ITM2B: variants seen among roughly 807,000 people sequenced by gnomAD.
The protein encoded by ITM2B is ABri/ADan amyloid peptide.
Under a neutral mutation model 27.8 loss-of-function variants are expected in ITM2B, and 11 were observed. The observed-to-expected ratio is 0.40, with a 90% CI of 0.25 to 0.66. The LOEUF is 0.66. Among genes scored for constraint, ITM2B ranks in the 30% least tolerant of loss-of-function variants. The pLI is 0.43. For missense variants in ITM2B, 296 were observed against 328.9 expected, an observed-to-expected ratio of 0.90 and a Z score of 0.77; for synonymous variants, 114 against 114.3, an observed-to-expected ratio of 1.00 and a Z score of 0.02.
intron 1 of ITM2B, among the ~76,000 whole-genome samples, chr13:48,237,045 C>G (rs1951672561): frequency 6.6e-6 from 1 of 152,200 alleles, no homozygotes. Context: ...TTTACCCTTT[C>G]TGGTTTTCCC....
intron 1 of ITM2B, among the ~76,000 whole-genome samples, chr13:48,248,672 C>CA (rs1404145027): frequency 6.6e-6 from 1 of 151,934 alleles, no homozygotes; most frequent in East Asian, 1.9e-4. Flanking sequence ...TCTTGAGCCA[C>CA]ACATAAAATA....
intron 1 of ITM2B, among the ~76,000 whole-genome samples, chr13:48,239,666 A>G (rs1315866342): frequency 1.3e-5 from 2 of 152,206 alleles, no homozygotes; most frequent in Non-Finnish European, 2.9e-5. Flanking sequence ...TTTCATTTTT[A>G]AAACATGAGT....
intron 1 of ITM2B, 37 bp downstream of exon 1, chr13:48,233,514 GC>G: frequency 7.1e-7 from 1 of 1,411,786 alleles, no homozygotes; most frequent in Non-Finnish European, 9.6e-7. Flanking sequence ...CGGGTGCTGG[GC>G]CCGGCCGGGG....
At chr13:48,257,182 G>C (rs903596156) in intron 3 of ITM2B, among the ~76,000 whole-genome samples, 1 of 152,168 alleles carries the variant, frequency 6.6e-6, no homozygotes, top group African/African-American at 2.4e-5. Context: ...TTATGTGAAG[G>C]TGGTTTCTCA....
rs58490404 is a variant in ITM2B at position 48,235,013 on chromosome 13, C to CATATATATATATAT, written c.117+1549_117+1550insTATATATATATATA. On this transcript the variant is annotated intron_variant, in intron 1 of 5. Coordinates refer to ENST00000647800, the MANE Select transcript of ITM2B (RefSeq NM_021999.5). ...AATATATGTAGTCTTAATGCTATCA[C>CATATATATATATAT]ATATATATATATACACACATACATT... Among the ~76,000 whole-genome samples, 114 of 149,938 alleles carry CATATATATATATAT rather than the reference C, an allele frequency of 7.6e-4. 1 individual carries two copies. Among genetic ancestry groups the CATATATATATATAT allele is most frequent in the Non-Finnish European group, 7.4e-4 (50 of 67,562 alleles).
rs1228214086 is a variant in ITM2B at position 48,265,156 on chromosome 13, G to A, written c.*3932G>A. ...TTGCATTTGTGTTTATATTTTCATTGTAAAAATATCAAATAATACAGTTTT... is the reference window on the plus strand; with the variant it reads ...TTGCATTTGTGTTTATATTTTCATTATAAAAATATCAAATAATACAGTTTT... On this transcript the variant is annotated 3_prime_UTR_variant, in exon 6 of 6. Coordinates refer to ENST00000647800, the MANE Select transcript of ITM2B (RefSeq NM_021999.5). 1.3e-5 allele frequency: 2 copies of A among 152,072 alleles called. No homozygotes were observed. The highest frequency in any genetic ancestry group is 2.4e-5 in the African/African-American group (1 of 41,386). 9.4% of individuals were successfully genotyped at this position (152,072 alleles called of 1,614,324 possible).
chr13:48,259,094 A>G (rs1209636124), intron 5 of ITM2B, 147 bp downstream of exon 5: 1 of 621,112 alleles, frequency 1.6e-6, no homozygotes, highest in African/African-American at 1.9e-5. Flanking sequence ...GTTTCTATAG[A>G]ATTATCTTAA....
Position 48,239,309 on chromosome 13 carries a change from C to G in ITM2B, c.117+5832C>G, listed in dbSNP as rs578088345. On this transcript the variant is annotated intron_variant, in intron 1 of 5. Coordinates refer to ENST00000647800, the MANE Select transcript of ITM2B (RefSeq NM_021999.5). ...GGCTGAAGCAGATGAATTGTTGAAG[C>G]TGGACTTTTTGCATATGAAACAAGT... Among the ~76,000 whole-genome samples the G allele has an allele frequency of 4.7e-4, 72 of 152,254 alleles. 1 individual carries two copies. The highest frequency in any genetic ancestry group is 1.7e-3 in the African/African-American group (72 of 41,540).
intron 1 of ITM2B, among the ~76,000 whole-genome samples, chr13:48,241,498 A>G (rs780066219): frequency 1.3e-5 from 2 of 152,302 alleles, no homozygotes; most frequent in East Asian, 3.9e-4. Context: ...AGGCTGAGCC[A>G]TAGCACCTGG....
intron 1 of ITM2B, among the ~76,000 whole-genome samples, chr13:48,241,280 C>T (rs527785704): frequency 9.9e-5 from 15 of 152,182 alleles, no homozygotes; most frequent in African/African-American, 1.4e-4. Flanking sequence ...GGCATGATCT[C>T]GGCTCACTGC....
chr13:48,258,967 A>G lies in ITM2B; in HGVS notation c.715+20A>G, dbSNP rs1951806393. 6.3e-7 allele frequency: 1 copy of G among 1,599,102 alleles called. No individual in the cohort carries two copies. The highest frequency in any genetic ancestry group is 8.6e-7 in the Non-Finnish European group (1 of 1,169,378). On this transcript the variant is annotated intron_variant, in intron 5 of 5. Coordinates refer to ENST00000647800, the MANE Select transcript of ITM2B (RefSeq NM_021999.5). ...TTAAAGGTAATACTTTTTAAATATT[A>G]AAGTGTTGGGCAGAAAAGTTCATTG...
intron 1 of ITM2B, among the ~76,000 whole-genome samples, chr13:48,239,329 A>G (rs1218663810): frequency 6.6e-6 from 1 of 152,200 alleles, no homozygotes; most frequent in Admixed American, 6.5e-5. Flanking sequence ...TGCATATGAA[A>G]CAAGTAAGAA....
rs924608031 is a variant in ITM2B, at chr13:48,268,419, C to T, written c.*7195C>T. 6.6e-6 allele frequency: 1 copy of T among 152,046 alleles called. No homozygotes were observed. Among genetic ancestry groups the T allele is most frequent in the African/African-American group, 2.4e-5 (1 of 41,382 alleles). 9.4% of individuals were successfully genotyped at this position (152,046 alleles called of 1,614,324 possible). A position where few individuals can be genotyped will look rare whatever the true frequency, so the allele number is the denominator to read the frequency against. ...CCAGGCTCAAGCCATCCTCTAACCTCAGCCTCCCGAGTAGCTAAGACTCTA... is the reference window on the plus strand; with the variant it reads ...CCAGGCTCAAGCCATCCTCTAACCTTAGCCTCCCGAGTAGCTAAGACTCTA... On this transcript the variant is annotated 3_prime_UTR_variant, in exon 6 of 6. Coordinates refer to ENST00000647800, the MANE Select transcript of ITM2B (RefSeq NM_021999.5).
chr13:48,250,941 C>G (rs561806266), intron 1 of ITM2B, among the ~76,000 whole-genome samples: 2 of 152,320 alleles, frequency 1.3e-5, no homozygotes, highest in South Asian at 4.1e-4. Context: ...TTTCCTGATT[C>G]TTAAGCCACG....
In ITM2B at chr13:48,264,251, AC is replaced by A. The variant is rs1338085789; in HGVS notation, c.*3028del. The stretch of plus-strand genomic sequence containing the variant: ...ATCACTGCTATATGTTAGCAAGCAA[AC>A]ACTGATCTTGTTTTGTAATGTGTAA... On this transcript the variant is annotated 3_prime_UTR_variant, in exon 6 of 6. Coordinates refer to ENST00000647800, the MANE Select transcript of ITM2B (RefSeq NM_021999.5). 1.3e-5 allele frequency: 2 copies of A among 152,102 alleles called. No homozygotes were observed. Among genetic ancestry groups the A allele is most frequent in the African/African-American group, 4.8e-5 (2 of 41,416 alleles). The allele number at this position is 152,102 out of a possible 1,614,324, so 9.4% of individuals were successfully genotyped here.
intron 1 of ITM2B, among the ~76,000 whole-genome samples, chr13:48,249,986 T>C (rs549677611): frequency 2.0e-5 from 3 of 152,374 alleles, no homozygotes; most frequent in African/African-American, 7.2e-5. Context: ...TAAAAACTTT[T>C]AAATCTTGAG....
intron 1 of ITM2B, among the ~76,000 whole-genome samples, chr13:48,251,425 A>G (rs1301460054): frequency 1.3e-5 from 2 of 151,978 alleles, no homozygotes; most frequent in African/African-American, 2.4e-5. Flanking sequence ...CTTTTTGTAT[A>G]TTTATCTGTT....
At chr13:48,239,302 G>GGACTTT (rs1188609012) in intron 1 of ITM2B, among the ~76,000 whole-genome samples, 7 of 152,326 alleles carry the variant, frequency 4.6e-5, no homozygotes, top group Non-Finnish European at 8.8e-5. Flanking sequence ...CAGATGAATT[G>GGACTTT]TTGAAGCTGG....
At chr13:48,240,207 T>C (rs1039981714) in intron 1 of ITM2B, among the ~76,000 whole-genome samples, 2 of 152,114 alleles carry the variant, frequency 1.3e-5, no homozygotes, top group South Asian at 4.1e-4. Context: ...ACTGTTATTT[T>C]TATTTATTTT....
Sources: allele counts gnomAD v4.1 joint callset (sites outside exome capture counted in the v4.1 genomes callset), GRCh38; gene constraint gnomAD v4.1.1; transcripts MANE v1.5; gene names NCBI Gene and HGNC (gene_info 2026-07-23, HGNC 2026-07-21).